COMMD1: variants seen among roughly 807,000 people sequenced by gnomAD.
The protein encoded by COMMD1 is COMM domain-containing protein 1.
In COMMD1, 10 loss-of-function variants were observed where a neutral mutation model predicts 17.2. That is an observed-to-expected ratio of 0.58 (90% CI 0.36 to 0.99). The LOEUF is 0.99. Ranked by LOEUF, COMMD1 falls within the 50% of genes least tolerant of loss-of-function variation. The pLI, the probability that COMMD1 is intolerant of heterozygous loss-of-function variation, is 0.01. For missense variants in COMMD1, 270 were observed against 231.8 expected, an observed-to-expected ratio of 1.17 and a Z score of -1.07; for synonymous variants, 97 against 91.6, an observed-to-expected ratio of 1.06 and a Z score of -0.34.
intron 1 of COMMD1, among the ~76,000 whole-genome samples, chr2:61,918,250 A>G (rs150217088): frequency 6.6e-6 from 1 of 152,366 alleles, no homozygotes; most frequent in African/African-American, 2.4e-5. Flanking sequence ...TTAAAGTTCT[A>G]TAAATATATT....
At chr2:61,894,202 G>T (rs1010591244) in intron 1 of COMMD1, among the ~76,000 whole-genome samples, 1 of 152,070 alleles carries the variant, frequency 6.6e-6, no homozygotes, top group African/African-American at 2.4e-5. Flanking sequence ...CAGGTTAAAT[G>T]GATTCTCCTG....
chr2:61,899,118 T>C (rs939539732), intron 1 of COMMD1, among the ~76,000 whole-genome samples: 2 of 152,160 alleles, frequency 1.3e-5, no homozygotes, highest in African/African-American at 4.8e-5. Context: ...TCCCAAAATA[T>C]GCCACTTTGG....
chr2:62,030,088 A>G (rs1669872374), intron 2 of COMMD1, among the ~76,000 whole-genome samples: 1 of 152,250 alleles, frequency 6.6e-6, no homozygotes. Flanking sequence ...GAAACCCAGC[A>G]AAGCCTGTCT....
chr2:61,959,369 A>C (rs1671281307), intron 1 of COMMD1, among the ~76,000 whole-genome samples: 2 of 152,250 alleles, frequency 1.3e-5, no homozygotes, highest in Non-Finnish European at 2.9e-5. Flanking sequence ...AGCTATGAAT[A>C]CTGGAGAAAG....
chr2:61,901,242 C>T (rs570195845), upstream of COMMD1, among the ~76,000 whole-genome samples: 9 of 151,964 alleles, frequency 5.9e-5, no homozygotes, highest in South Asian at 4.2e-4. Flanking sequence ...CCACTGCGCA[C>T]GACCAAAACA....
chr2:61,957,087 CGTGTGTGT>C lies in COMMD1; in HGVS notation c.181-43587_181-43580del, dbSNP rs10679710. ...AGTTTTAATTGAAGGAAGATGGATGCGTGTGTGTGTGTGTGTGTGTGTGTGTGTGTGTG... is the reference window on the plus strand; with the variant it reads ...AGTTTTAATTGAAGGAAGATGGATGCGTGTGTGTGTGTGTGTGTGTGTGTG... On this transcript the variant is annotated intron_variant, in intron 1 of 2. Transcript: ENST00000311832. Among the ~76,000 whole-genome samples, 684 of 146,896 alleles carry C rather than the reference CGTGTGTGT, an allele frequency of 4.7e-3. 7 individuals carry two copies. Among genetic ancestry groups the C allele is most frequent in the Admixed American group, 9.2e-3 (135 of 14,626 alleles).
At chr2:62,088,559 C>T (rs1301044355) in intron 2 of COMMD1, among the ~76,000 whole-genome samples, 1 of 152,188 alleles carries the variant, frequency 6.6e-6, no homozygotes, top group African/African-American at 2.4e-5. Context: ...TTACCTAGTC[C>T]TATATGTCTA....
chr2:61,893,721 G>A (rs996507141), intron 1 of COMMD1, among the ~76,000 whole-genome samples: 58 of 152,150 alleles, frequency 3.8e-4, no homozygotes, highest in African/African-American at 1.4e-3. Flanking sequence ...GGGTGAGGAA[G>A]GAGAATTGCT....
intron 2 of COMMD1, among the ~76,000 whole-genome samples, chr2:62,089,057 A>G (rs1463595494): frequency 1.3e-5 from 2 of 152,162 alleles, no homozygotes; most frequent in African/African-American, 4.8e-5. Flanking sequence ...AAGATAAAAG[A>G]TTGTGGAGAC....
intron 2 of COMMD1, among the ~76,000 whole-genome samples, chr2:62,005,714 T>C (rs1170346925): frequency 6.6e-6 from 1 of 152,038 alleles, no homozygotes; most frequent in East Asian, 1.9e-4. Context: ...GGAGAGGATG[T>C]GGAGAAATAG....
At chr2:62,115,912 G>A (rs1672585907) in intron 2 of COMMD1, among the ~76,000 whole-genome samples, 1 of 137,188 alleles carries the variant, frequency 7.3e-6, no homozygotes, top group Admixed American at 8.1e-5. Context: ...AGACAGGAGT[G>A]CATGATCTTG....
chr2:62,008,361 GACACACACAC>G (rs151332274), intron 2 of COMMD1, among the ~76,000 whole-genome samples: 1 of 146,548 alleles, frequency 6.8e-6, no homozygotes, highest in African/African-American at 2.5e-5. Context: ...CACACAGACA[GACACACACAC>G]ACACACACAC....
At chr2:61,933,772 CT>C (rs61702772) in intron 1 of COMMD1, among the ~76,000 whole-genome samples, 10 of 148,656 alleles carry the variant, frequency 6.7e-5, no homozygotes, top group African/African-American at 2.5e-4. Context: ...TTCTTTTTTT[CT>C]TTTTTTTGAG....
At chr2:61,996,393 C>G (rs1354685546) in intron 1 of COMMD1, among the ~76,000 whole-genome samples, 1 of 150,220 alleles carries the variant, frequency 6.7e-6, no homozygotes, top group Non-Finnish European at 1.5e-5. Context: ...ATGTCAGTGG[C>G]TGCTTACTGA....
At chr2:62,101,675 G>C (rs1007552437) in intron 2 of COMMD1, among the ~76,000 whole-genome samples, 1 of 151,742 alleles carries the variant, frequency 6.6e-6, no homozygotes, top group Non-Finnish European at 1.5e-5. Context: ...CTACAAATTG[G>C]GTAGTCTCAT....
intron 2 of COMMD1, among the ~76,000 whole-genome samples, chr2:62,054,709 G>A (rs1670639968): frequency 6.6e-6 from 1 of 152,136 alleles, no homozygotes; most frequent in Non-Finnish European, 1.5e-5. Context: ...GGAAGGGAAA[G>A]GAAGTCGCAG....
chr2:61,938,664 TTC>T (rs1436601603), intron 1 of COMMD1, among the ~76,000 whole-genome samples: 1 of 152,148 alleles, frequency 6.6e-6, no homozygotes, highest in Non-Finnish European at 1.5e-5. Flanking sequence ...GTCAGATTCT[TTC>T]TTGTGGAGAG....
At chr2:62,024,232 G>C (rs1669693778) in intron 2 of COMMD1, among the ~76,000 whole-genome samples, 1 of 151,860 alleles carries the variant, frequency 6.6e-6, no homozygotes, top group African/African-American at 2.4e-5. Flanking sequence ...TTTGTTTTTT[G>C]TGGAGACAGG....
chr2:61,948,689 C>T (rs1670976576), intron 1 of COMMD1, among the ~76,000 whole-genome samples: 1 of 152,132 alleles, frequency 6.6e-6, no homozygotes, highest in Admixed American at 6.5e-5. Flanking sequence ...GAACAAATTG[C>T]TCAATATGAG....
Sources: allele counts gnomAD v4.1 joint callset (sites outside exome capture counted in the v4.1 genomes callset), GRCh38; gene constraint gnomAD v4.1.1; transcripts MANE v1.5; gene names NCBI Gene and HGNC (gene_info 2026-07-23, HGNC 2026-07-21).